Variants in WDPCP observed in about 807,000 individuals in gnomAD.
WDPCP encodes WD repeat containing planar cell polarity effector, also known as WD repeat-containing and planar cell polarity effector protein fritz homolog.
Under a neutral mutation model 93.1 loss-of-function variants are expected in WDPCP, and 71 were observed. That is an observed-to-expected ratio of 0.76 (90% CI 0.63 to 0.93). WDPCP has a LOEUF of 0.93. Among genes scored for constraint, WDPCP ranks in the 40% least tolerant of loss-of-function variants. The probability of loss-of-function intolerance (pLI) is 0.00; values close to 1 mark genes in which losing one functional copy is unlikely to be tolerated. For missense variants in WDPCP, 844 were observed against 887.4 expected (o/e 0.95, Z 0.62); for synonymous variants, 315 against 315.0 (o/e 1.00, Z 0.00).
intron 6 of WDPCP, among the ~76,000 whole-genome samples, chr2:63,462,882 G>A (rs774871926): frequency 6.6e-5 from 10 of 152,132 alleles, no homozygotes; most frequent in Non-Finnish European, 1.0e-4. Flanking sequence ...GGGTCTCTGC[G>A]TTTCATTTTA....
At chr2:63,166,464 G>A (rs1224677307) in intron 15 of WDPCP, among the ~76,000 whole-genome samples, 2 of 152,018 alleles carry the variant, frequency 1.3e-5, no homozygotes, top group African/African-American at 4.8e-5. Context: ...TGGAGTGCAG[G>A]GGCGCGATCA....
Position 63,404,587 on chromosome 2 carries a change from A to C in WDPCP, c.896T>G (p.Val299Gly). Reference protein sequence around the residue: ...VRFGTKQPYQVFTVEHSVSVD... With the variant: ...VRFGTKQPYQGFTVEHSVSVD... Reference sequence around the variant, plus strand: ...ACTTACGGAGTGCTCCACTGTGAACACCTGATAAGGCTGTTTGGTGCCAAA... The same window carrying C: ...ACTTACGGAGTGCTCCACTGTGAACCCCTGATAAGGCTGTTTGGTGCCAAA... Residue 299 changes from valine to glycine, a missense_variant, in exon 10 of 18, where the codon GTG becomes GGG. Coordinates refer to ENST00000272321, the MANE Select transcript of WDPCP (RefSeq NM_015910.7). 6.2e-7 allele frequency: 1 copy of C among 1,614,054 alleles called. No individual in the cohort carries two copies. The highest frequency in any genetic ancestry group is 8.5e-7 in the Non-Finnish European group (1 of 1,179,972).
At chr2:63,226,979 T>C (rs10496101) in intron 14 of WDPCP, among the ~76,000 whole-genome samples, 24,178 of 151,866 alleles carry the variant, frequency 0.16, 2,603 homozygotes, top group Non-Finnish European at 0.21. Flanking sequence ...ATTATGAACA[T>C]CTAAGTAACC....
In WDPCP at chr2:63,738,597, T is replaced by C. The variant is rs78788259; in HGVS notation, n.308+75025A>G. Among the ~76,000 whole-genome samples, 939 of 152,308 alleles carry C rather than the reference T, an allele frequency of 6.2e-3. 15 individuals carry two copies. Among genetic ancestry groups the C allele is most frequent in the African/African-American group, 0.021 (877 of 41,570 alleles). On this transcript the variant is annotated intron_variant and non_coding_transcript_variant, in intron 2 of 4. Transcript: ENST00000467687. The stretch of plus-strand genomic sequence containing the variant: ...TCAAGCATATCTGTATTTGAAATTT[T>C]AATCTATACCTTGGTCAAAGACCAA...
chr2:63,434,600 T>C (rs1409364813), intron 8 of WDPCP, among the ~76,000 whole-genome samples: 3 of 152,084 alleles, frequency 2.0e-5, no homozygotes, highest in South Asian at 4.1e-4. Context: ...CAAGGAAATA[T>C]AGATTGCACC....
intron 10 of WDPCP, among the ~76,000 whole-genome samples, chr2:63,383,710 C>A (rs1355800655): frequency 6.6e-6 from 1 of 152,018 alleles, no homozygotes; most frequent in African/African-American, 2.4e-5. Context: ...GAGACTCTGT[C>A]TCAATCAATC....
intron 3 of WDPCP, among the ~76,000 whole-genome samples, chr2:63,601,968 T>G (rs990173741): frequency 4.6e-5 from 7 of 152,184 alleles, no homozygotes; most frequent in African/African-American, 1.4e-4. Flanking sequence ...ATGGTACTCA[T>G]TGAACAGCGT....
At chr2:63,438,070 T>C in intron 7 of WDPCP, 1 of 1,129,306 alleles carries the variant, frequency 8.9e-7, no homozygotes, top group Non-Finnish European at 1.1e-6. Flanking sequence ...TTATGACCAA[T>C]ATGTACATTA....
intron 2 of WDPCP, among the ~76,000 whole-genome samples, chr2:63,669,785 A>T (rs1382597562): frequency 6.6e-6 from 1 of 152,204 alleles, no homozygotes; most frequent in African/African-American, 2.4e-5. Flanking sequence ...GGGCTCCTGC[A>T]CTGTACAACT....
intron 2 of WDPCP, among the ~76,000 whole-genome samples, chr2:63,746,788 C>G (rs534573960): frequency 1.3e-5 from 2 of 152,266 alleles, no homozygotes; most frequent in East Asian, 3.9e-4. Context: ...ATAATGCGTG[C>G]ACAGCGGGAC....
intron 12 of WDPCP, among the ~76,000 whole-genome samples, chr2:63,358,385 T>G (rs2104627119): frequency 6.6e-6 from 1 of 152,312 alleles, no homozygotes; most frequent in Middle Eastern, 3.4e-3. Flanking sequence ...CTAGTAATTG[T>G]CTTATTGGAT....
chr2:63,494,284 T>TGACGACGAC (rs1381622171), intron 1 of WDPCP, among the ~76,000 whole-genome samples: 20 of 37,646 alleles, frequency 5.3e-4, no homozygotes, highest in Admixed American at 1.9e-3. Context: ...ATGATGATGA[T>TGACGACGAC]GATGACGACG....
At chr2:63,252,187 A>T (rs528376637) in intron 14 of WDPCP, among the ~76,000 whole-genome samples, 1 of 152,180 alleles carries the variant, frequency 6.6e-6, no homozygotes, top group African/African-American at 2.4e-5. Flanking sequence ...AACAAAAACC[A>T]TATGATTATC....
At chr2:63,368,963 A>G (rs965773020) in intron 12 of WDPCP, 2 of 153,836 alleles carry the variant, frequency 1.3e-5, no homozygotes, top group African/African-American at 2.4e-5. Flanking sequence ...ACTTCAATAG[A>G]GTAGAATATC....
At position 63,245,287 on chromosome 2, in the gene WDPCP, C is replaced by G. The variant is rs553211080; in HGVS notation, c.1915+14020G>C. ...GACCTATGTGTATTACTCACTGTGT[C>G]GTTTTGTGTATTCTCTGCTCTTTGT... is the stretch of plus-strand genomic sequence containing the variant. On this transcript the variant is annotated intron_variant, in intron 14 of 17. Transcript: ENST00000272321. 1.6e-3 allele frequency among the ~76,000 whole-genome samples: 249 copies of G among 152,156 alleles called. 2 individuals carry two copies. Among genetic ancestry groups the G allele is most frequent in the African/African-American group, 5.5e-3 (227 of 41,528 alleles).
chr2:63,167,890 G>A (rs1673103422), intron 15 of WDPCP, among the ~76,000 whole-genome samples: 1 of 152,060 alleles, frequency 6.6e-6, no homozygotes, highest in Non-Finnish European at 1.5e-5. Flanking sequence ...CAAGGCAGGT[G>A]GATCACTTGA....
intron 3 of WDPCP, among the ~76,000 whole-genome samples, chr2:63,608,238 G>A (rs1378050123): frequency 6.6e-6 from 1 of 152,092 alleles, no homozygotes; most frequent in East Asian, 1.9e-4. Flanking sequence ...CTTTTTAGCA[G>A]ATAAGGAATC....
intron 3 of WDPCP, among the ~76,000 whole-genome samples, chr2:63,613,475 T>C (rs1709637188): frequency 1.3e-5 from 2 of 152,190 alleles, no homozygotes; most frequent in Admixed American, 1.3e-4. Flanking sequence ...AATCATGGGA[T>C]GGGGGTGGAG....
At chr2:63,762,026 G>C (rs186701389) in intron 2 of WDPCP, among the ~76,000 whole-genome samples, 17 of 152,294 alleles carry the variant, frequency 1.1e-4, no homozygotes, top group African/African-American at 4.1e-4. Context: ...AAGTCTTAGC[G>C]TGGTTCTTCA....
Sources: allele counts gnomAD v4.1 joint callset (sites outside exome capture counted in the v4.1 genomes callset), GRCh38; gene constraint gnomAD v4.1.1; transcripts MANE v1.5; gene names NCBI Gene and HGNC (gene_info 2026-07-23, HGNC 2026-07-21).